ARRB2: variants seen among roughly 807,000 people sequenced by gnomAD.
ARRB2 encodes arrestin beta 2.
A neutral mutation model predicts 53.4 loss-of-function variants in ARRB2; 21 were observed. The observed-to-expected ratio is 0.39, with a 90% CI of 0.28 to 0.57. ARRB2 has a LOEUF of 0.57. Among genes scored for constraint, ARRB2 ranks in the 20% least tolerant of loss-of-function variants. ARRB2 has a pLI of 0.55. For missense variants in ARRB2, 369 were observed against 527.5 expected, an observed-to-expected ratio of 0.70 and a Z score of 2.94; for synonymous variants, 180 against 212.9, an observed-to-expected ratio of 0.85 and a Z score of 1.34.
At chr17:4,720,130 C>A in intron 11 of ARRB2, 86 bp from the exon 12 acceptor site, 1 of 1,416,536 alleles carries the variant, frequency 7.1e-7, no homozygotes. Context: ...GTTTGTGGTC[C>A]TGCCCAGAGT....
rs1567681245 is a variant in ARRB2 at position 4,715,502 on chromosome 17, CACACAT to C, written c.54+465_55-460del. The C allele has an allele frequency of 5.1e-4, 116 of 226,200 alleles. 6 individuals carry two copies. The highest frequency in any genetic ancestry group is 9.0e-4 in the East Asian group (8 of 8,926). The allele number at this position is 226,200 out of a possible 1,614,324, so 14.0% of individuals were successfully genotyped here. On this transcript the variant is annotated intron_variant, in intron 2 of 14. Transcript: ENST00000269260. ...ACACACACAGACACACACACACATA[CACACAT>C]ACACACACACCTGGCTGGTTGGGCT...
In ARRB2 at chr17:4,717,440, C is replaced by T. The variant is rs1005462282; in HGVS notation, c.417+164C>T. The T allele has an allele frequency of 1.5e-4, 142 of 937,566 alleles. 2 individuals are homozygous for T. Among genetic ancestry groups the T allele is most frequent in the East Asian group, 1.1e-3 (42 of 39,654 alleles). The allele number at this position is 937,566 out of a possible 1,614,324, so 58.1% of individuals were successfully genotyped here. On this transcript the variant is annotated intron_variant, in intron 6 of 14. Coordinates refer to ENST00000269260, the MANE Select transcript of ARRB2 (RefSeq NM_004313.4). The surrounding 1 kb of genome is among the most constrained non-coding windows in gnomAD (Gnocchi z 6.0). ...GGGCGTATGTGGTGGTCATTGTGCA[C>T]GCATGACACTGCCTCCTGCTCTGTG...
rs1369623522 is a variant in ARRB2, at chr17:4,721,029, A to G, written c.1220A>G (p.Gln407Arg). ...KGMKDDDYDD[Q>R]LC ...ATGAAGGATGACGACTATGATGATC[A>G]ACTCTGCTAGGAAGCGGGGTGGGAA... is the stretch of plus-strand genomic sequence containing the variant. The change falls in exon 15 of 15, where the codon CAA becomes CGA. Residue 407 changes from glutamine to arginine, a missense_variant. By Grantham distance (43) the Gln-to-Arg change is conservative. Transcript: ENST00000269260. This position sits in a 1 kb window ranked among gnomAD's most constrained non-coding sequence, Gnocchi z 4.2. 1.9e-6 allele frequency: 3 copies of G among 1,613,946 alleles called. No individual in the cohort carries two copies. In the African/African-American group the frequency reaches 4.0e-5, roughly 22 times the overall value.
intron 1 of ARRB2, among the ~76,000 whole-genome samples, chr17:4,711,414 C>A (rs1914394020): frequency 6.6e-6 from 1 of 152,154 alleles, no homozygotes; most frequent in African/African-American, 2.4e-5. Flanking sequence ...ACCCCGAGTT[C>A]TCTTTTTTGG....
At chr17:4,712,851 G>A (rs535405624) in intron 1 of ARRB2, among the ~76,000 whole-genome samples, 2 of 152,328 alleles carry the variant, frequency 1.3e-5, no homozygotes, top group African/African-American at 4.8e-5. Context: ...GACTGCCTTG[G>A]TTTCTATTAA....
intron 2 of ARRB2, chr17:4,715,568 GACACAC>G: frequency 9.1e-6 from 2 of 219,936 alleles, no homozygotes; most frequent in South Asian, 4.9e-5. Flanking sequence ...CACACACACG[GACACAC>G]ACACACACAC....
chr17:4,720,852 G>C, intron 14 of ARRB2, 94 bp from the exon 15 acceptor site: 9 of 1,357,136 alleles, frequency 6.6e-6, no homozygotes, highest in Non-Finnish European at 5.2e-6. Flanking sequence ...GAACGCCTCT[G>C]TCCCAGAGGC....
intron 10 of ARRB2, 22 bp downstream of exon 10, chr17:4,718,706 T>C (rs1915345504): frequency 2.5e-6 from 4 of 1,607,324 alleles, no homozygotes; most frequent in South Asian, 1.1e-5. Context: ...GAGAGACCCA[T>C]GTTCCAATCT....
At position 4,716,432 on chromosome 17, in the gene ARRB2, G is replaced by A. The variant is rs1277113932; in HGVS notation, c.181G>A (p.Ala61Thr). 23 of 1,614,028 alleles carry A rather than the reference G, an allele frequency of 1.4e-5. No individual in the cohort carries two copies. Among genetic ancestry groups the A allele is most frequent in the Non-Finnish European group, 1.9e-5 (22 of 1,180,016 alleles). ...DRKVFVTLTC[A>T]FRYGREDLDV... ...GCCAGTGTTTGTGACCCTCACCTGCGCCTTCCGCTATGGCCGTGAAGACCT... is the reference window on the plus strand; with the variant it reads ...GCCAGTGTTTGTGACCCTCACCTGCACCTTCCGCTATGGCCGTGAAGACCT... Residue 61 changes from alanine to threonine, a missense_variant, in exon 5 of 15, where the codon GCC becomes ACC. Physicochemically the swap from Ala to Thr is moderately conservative, Grantham distance 58. Coordinates refer to ENST00000269260, the MANE Select transcript of ARRB2 (RefSeq NM_004313.4).
intron 2 of ARRB2, 84 bp downstream of exon 2, chr17:4,715,127 C>A: frequency 1.4e-6 from 2 of 1,475,568 alleles, no homozygotes; most frequent in Non-Finnish European, 1.8e-6. Context: ...CCCAACCTAC[C>A]CAAAGATGAT....
At chr17:4,718,096 A>T in intron 8 of ARRB2, 73 bp downstream of exon 8, 1 of 1,598,212 alleles carries the variant, frequency 6.3e-7, no homozygotes, top group East Asian at 2.3e-5. Flanking sequence ...GCCACACATC[A>T]AGAGGACATT....
chr17:4,717,761 A>C lies in ARRB2; in HGVS notation c.485+9A>C. 1 of 1,612,874 alleles carries C rather than the reference A, an allele frequency of 6.2e-7. No homozygotes were observed. Among genetic ancestry groups the C allele is most frequent in the Non-Finnish European group, 8.5e-7 (1 of 1,179,558 alleles). On this transcript the variant is annotated intron_variant, in intron 7 of 14. Coordinates refer to ENST00000269260, the MANE Select transcript of ARRB2 (RefSeq NM_004313.4). The surrounding 1 kb of genome is among the most constrained non-coding windows in gnomAD (Gnocchi z 6.0). ...GAGAAAAGCCACAAAAGGTAAGGGA[A>C]GTGACCTCCTCTGTGGTGTAAGAGG...
At chr17:4,720,885 G>T (rs1317813277) in intron 14 of ARRB2, 61 bp from the exon 15 acceptor site, 1 of 1,543,928 alleles carries the variant, frequency 6.5e-7, no homozygotes, top group East Asian at 2.3e-5. Context: ...AGGGCAGGGA[G>T]TGGGAGGCTG....
chr17:4,716,226 T>C (rs775803876), intron 4 of ARRB2, 35 bp downstream of exon 4: 2 of 1,612,338 alleles, frequency 1.2e-6, no homozygotes, highest in East Asian at 2.2e-5. Context: ...CCAGGGAAAG[T>C]GGGGGCTAGG....
chr17:4,716,898 A>G, intron 5 of ARRB2: 4 of 621,880 alleles, frequency 6.4e-6, no homozygotes, highest in East Asian at 2.8e-5. Flanking sequence ...GCAGTGGCAC[A>G]ATCTTGGTTC....
chr17:4,716,238 A>G, intron 4 of ARRB2, 47 bp downstream of exon 4: 1 of 1,612,116 alleles, frequency 6.2e-7, no homozygotes, highest in Non-Finnish European at 8.5e-7. Flanking sequence ...GGGGCTAGGG[A>G]AGTGAAATGG....
rs777343879 is a variant in ARRB2 at position 4,718,598 on chromosome 17, G to A, written c.707-14G>A. 42 of 1,612,060 alleles carry A rather than the reference G, an allele frequency of 2.6e-5. No individual in the cohort carries two copies. Among genetic ancestry groups the A allele is most frequent in the Admixed American group, 5.0e-5 (3 of 59,932 alleles). On this transcript the variant is annotated splice_polypyrimidine_tract_variant and intron_variant, in intron 9 of 14. Transcript: ENST00000269260. ...GCTCCATCCAGAGCTGCCTGACCCC[G>A]TCCCACCCCACAGTGAGACAGTACG...
At chr17:4,711,502 C>G (rs191985589) in intron 1 of ARRB2, among the ~76,000 whole-genome samples, 78 of 152,182 alleles carry the variant, frequency 5.1e-4, no homozygotes, top group African/African-American at 1.2e-3. Flanking sequence ...CGCAGGGGAG[C>G]GGGAGCAAAA....
At chr17:4,720,145 G>A (rs550475298) in intron 11 of ARRB2, 71 bp from the exon 12 acceptor site, 14 of 1,506,150 alleles carry the variant, frequency 9.3e-6, no homozygotes, top group East Asian at 4.9e-5. Flanking sequence ...CAGAGTCCCC[G>A]TGGGAACCCC....
Sources: allele counts gnomAD v4.1 joint callset (sites outside exome capture counted in the v4.1 genomes callset), GRCh38; gene constraint gnomAD v4.1.1; non-coding constraint Gnocchi (gnomAD v3.1); transcripts MANE v1.5; gene names NCBI Gene and HGNC (gene_info 2026-07-23, HGNC 2026-07-21).